The following RIPOR2 variants were observed in gnomAD, a reference collection of about 807,000 sequenced individuals.
RIPOR2 encodes rho family-interacting cell polarization regulator 2.
A neutral mutation model predicts 114.5 loss-of-function variants in RIPOR2; 39 were observed. The ratio of observed to expected loss-of-function variants is 0.34; its 90% CI spans 0.26 to 0.44. RIPOR2 has a LOEUF of 0.44. Among genes scored for constraint, RIPOR2 ranks in the 20% least tolerant of loss-of-function variants. RIPOR2 has a pLI of 1.00. For synonymous variants in RIPOR2, 445 were observed against 484.4 expected (o/e 0.92, Z 1.07); for missense variants, 1,007 against 1,255.1 (o/e 0.80, Z 2.99).
In RIPOR2 at chr6:24,874,793, T is replaced by C. The variant is rs185378696; in HGVS notation, c.188+898A>G. Among the ~76,000 whole-genome samples, 8 of 152,344 alleles carry C rather than the reference T, an allele frequency of 5.3e-5. No homozygotes were observed. In the East Asian group the frequency reaches 1.5e-3, roughly 29 times the overall value. On this transcript the variant is annotated intron_variant, in intron 2 of 21. Coordinates refer to ENST00000643898, the MANE Select transcript of RIPOR2 (RefSeq NM_001286445.3). ...GATAAGGGACCATAAGCATGACAAA[T>C]AGCTAATTCTATATGACATTAAAAT...
At chr6:24,878,798 A>G (rs998928876) in intron 1 of RIPOR2, among the ~76,000 whole-genome samples, 1 of 152,212 alleles carries the variant, frequency 6.6e-6, no homozygotes, top group African/African-American at 2.4e-5. Flanking sequence ...AAAAGAAAAG[A>G]TACCAAGTTC....
intron 19 of RIPOR2, among the ~76,000 whole-genome samples, chr6:24,822,850 C>G (rs1327237841): frequency 2.0e-5 from 3 of 152,136 alleles, no homozygotes; most frequent in Non-Finnish European, 4.4e-5. Context: ...CCTGTTGAGT[C>G]ATAAGGTTGC....
At chr6:25,023,936 T>G in intron 1 of RIPOR2, 1 of 725,956 alleles carries the variant, frequency 1.4e-6, no homozygotes, top group East Asian at 2.7e-5. Flanking sequence ...CTGATGTGCA[T>G]GAGGTTCTCG....
chr6:24,852,068 T>A (rs111429406), intron 9 of RIPOR2, among the ~76,000 whole-genome samples: 26,639 of 151,926 alleles, frequency 0.18, 2,883 homozygotes, highest in East Asian at 0.29. Flanking sequence ...AAGACCAGCC[T>A]GGCCAACATG....
At chr6:24,928,284 A>G (rs1034792137) in intron 1 of RIPOR2, among the ~76,000 whole-genome samples, 2 of 152,354 alleles carry the variant, frequency 1.3e-5, no homozygotes, top group Non-Finnish European at 1.5e-5. Context: ...AAGAGAGTTA[A>G]GAGTGCCTTC....
rs1561855897 is a variant in RIPOR2 at position 25,031,743 on chromosome 6, ATATATAT to A, written c.76+10101_76+10107del. 5.3e-3 allele frequency among the ~76,000 whole-genome samples: 401 copies of A among 75,528 alleles called. 13 individuals are homozygous for A. Among genetic ancestry groups the A allele is most frequent in the Middle Eastern group, 0.01 (1 of 96 alleles). 49.5% of individuals were successfully genotyped at this position (75,528 alleles called of 152,430 possible). On this transcript the variant is annotated intron_variant, in intron 1 of 13. Coordinates refer to the RIPOR2 transcript ENST00000510784. ...TATATATATATATATATATATATAT[ATATATAT>A]AAAATATCCATAGAATATATATATA... is the stretch of plus-strand genomic sequence containing the variant.
chr6:24,975,211 C>T (rs145114534), intron 1 of RIPOR2, among the ~76,000 whole-genome samples: 1 of 152,240 alleles, frequency 6.6e-6, no homozygotes, highest in South Asian at 2.1e-4. Flanking sequence ...TTGTAAATTT[C>T]ACCAAACTAC....
At chr6:24,979,284 T>C (rs961155276) in intron 1 of RIPOR2, among the ~76,000 whole-genome samples, 1 of 57,528 alleles carries the variant, frequency 1.7e-5, no homozygotes, top group Non-Finnish European at 2.7e-5. Context: ...AGGGAAATTC[T>C]TTTTTTTTTT....
Position 24,870,889 on chromosome 6 carries a change from C to T in RIPOR2, c.424G>A (p.Gly142Ser). The T allele has an allele frequency of 1.3e-6, 2 of 1,588,970 alleles. No individual in the cohort carries two copies. Among genetic ancestry groups the T allele is most frequent in the South Asian group, 1.1e-5 (1 of 87,588 alleles). ...ACCTTGTCTAGGTCATACAGTACAC[C>T]CTACAATAAAAAAAGGAATATCTGC... ...LKDMKRNSRL[G>S]VLYDLDKQIK... Residue 142 changes from glycine to serine, a missense_variant and splice_region_variant, in exon 5 of 22, where the codon GGT becomes AGT. Gly to Ser is a moderately conservative substitution (Grantham distance 56, BLOSUM62 0). Transcript: ENST00000643898.
chr6:24,844,507 G>T (rs1215934826), intron 12 of RIPOR2, among the ~76,000 whole-genome samples: 5 of 145,910 alleles, frequency 3.4e-5, no homozygotes, highest in Non-Finnish European at 4.5e-5. Flanking sequence ...TTTCCCTTTT[G>T]TTGCCCAGGC....
intron 3 of RIPOR2, 109 bp downstream of exon 3, chr6:24,873,534 TA>T: frequency 1.0e-6 from 1 of 993,302 alleles, no homozygotes; most frequent in Non-Finnish European, 1.5e-6. Flanking sequence ...GGTACAAGAA[TA>T]AAATACCTCC....
Position 25,013,928 on chromosome 6 carries a change from G to C in RIPOR2, c.76+27923C>G, listed in dbSNP as rs563356632. ...ATTTTAAAAGATTATGGAGTGAGGA[G>C]TTAGGTAAAGAGATGGAGGTAGAGG... On this transcript the variant is annotated intron_variant, in intron 1 of 13. Coordinates refer to the RIPOR2 transcript ENST00000510784. Among the ~76,000 whole-genome samples the C allele has an allele frequency of 2.6e-5, 4 of 152,282 alleles. No homozygotes were observed. In the South Asian group the frequency reaches 6.2e-4, roughly 24 times the overall value.
intron 1 of RIPOR2, among the ~76,000 whole-genome samples, chr6:24,910,080 G>A (rs542455163): frequency 4.9e-4 from 74 of 152,260 alleles, no homozygotes; most frequent in Non-Finnish European, 9.1e-4. Flanking sequence ...GAAGGTTATC[G>A]TCTCGGGCAA....
intron 19 of RIPOR2, among the ~76,000 whole-genome samples, chr6:24,823,645 G>A (rs1260136695): frequency 6.6e-6 from 1 of 152,226 alleles, no homozygotes; most frequent in Non-Finnish European, 1.5e-5. Flanking sequence ...ATAAACATGA[G>A]AGCTGAATTG....
intron 1 of RIPOR2, among the ~76,000 whole-genome samples, chr6:24,965,125 C>T (rs540556522): frequency 2.3e-5 from 3 of 128,024 alleles, no homozygotes; most frequent in African/African-American, 5.2e-5. Flanking sequence ...CTCTGAGCTA[C>T]ATTTTTTTAT....
rs896790347 is a variant in RIPOR2, at chr6:24,976,537, T to C, written c.76+65314A>G. The C allele has an allele frequency of 6.3e-6, 10 of 1,592,222 alleles. No homozygotes were observed. The African/African-American group carries it at 1.2e-4, about 19-fold the overall frequency. On this transcript the variant is annotated intron_variant, in intron 1 of 13. Coordinates refer to the RIPOR2 transcript ENST00000510784. ...TGACTGCTCATCTAATCCATAAAGC[T>C]ATGTTAACAGATTGGAGCTGTTTGC...
At chr6:24,878,885 C>CTCTGTTGGGCAGAGACATGGTG (rs1554218660) in intron 1 of RIPOR2, among the ~76,000 whole-genome samples, 1 of 102,110 alleles carries the variant, frequency 9.8e-6, no homozygotes, top group African/African-American at 4.6e-5. Context: ...ATGAATTAAA[C>CTCTGTTGGGCAGAGACATGGTG]GCTGGAGAGT....
Position 25,014,259 on chromosome 6 carries a change from T to C in RIPOR2, c.76+27592A>G, listed in dbSNP as rs139001028. Reference sequence around the variant, plus strand: ...GCTGACATTTGTGGCTGAATCCTAATGTAGTTAATTTTCCTTTCAATGGGT... The same window carrying C: ...GCTGACATTTGTGGCTGAATCCTAACGTAGTTAATTTTCCTTTCAATGGGT... On this transcript the variant is annotated intron_variant, in intron 1 of 13. Coordinates refer to the RIPOR2 transcript ENST00000510784. Among the ~76,000 whole-genome samples, 988 of 152,338 alleles carry C rather than the reference T, an allele frequency of 6.5e-3. 7 individuals are homozygous for C. The highest frequency in any genetic ancestry group is 8.5e-3 in the Non-Finnish European group (577 of 68,026).
chr6:24,916,375 C>A (rs1770080479), intron 1 of RIPOR2, among the ~76,000 whole-genome samples: 1 of 152,212 alleles, frequency 6.6e-6, no homozygotes, highest in South Asian at 2.1e-4. Context: ...TTTGTTGTAG[C>A]TATTTAATAC....
Sources: gnomAD v4.1 joint callset for allele counts (sites outside exome capture counted in the v4.1 genomes callset) on GRCh38, gnomAD v4.1.1 for gene constraint, MANE v1.5 for transcripts, NCBI Gene and HGNC (gene_info 2026-07-23, HGNC 2026-07-21) for gene names.